The following KCNH1 variants were observed in gnomAD, a reference collection of about 807,000 sequenced individuals.
KCNH1 encodes the protein voltage-gated delayed rectifier potassium channel KCNH1.
Under a neutral mutation model 69.2 loss-of-function variants are expected in KCNH1, and 27 were observed. That is an observed-to-expected ratio of 0.39 (90% confidence interval 0.29 to 0.54). The LOEUF is 0.54. Among genes scored for constraint, KCNH1 ranks in the 20% least tolerant of loss-of-function variants. The probability of loss-of-function intolerance (pLI) is 0.68; values close to 1 mark genes in which losing one functional copy is unlikely to be tolerated. For synonymous variants in KCNH1, 456 were observed against 487.7 expected (o/e 0.93, Z 0.86); for missense variants, 798 against 1,261.6 (o/e 0.63, Z 5.57).
intron 10 of KCNH1, among the ~76,000 whole-genome samples, chr1:210,762,051 A>T (rs1440744943): frequency 6.6e-6 from 1 of 152,160 alleles, no homozygotes; most frequent in African/African-American, 2.4e-5. Flanking sequence ...TGGAATAAAA[A>T]TAGAAATCAA....
intron 6 of KCNH1, among the ~76,000 whole-genome samples, chr1:210,963,989 G>A (rs1437354348): frequency 6.6e-6 from 1 of 152,134 alleles, no homozygotes; most frequent in Non-Finnish European, 1.5e-5. Flanking sequence ...ACACATAATT[G>A]TCAGATTCAC....
rs533974005 is a variant in KCNH1, at chr1:210,843,761, T to C, written c.1463-39595A>G. On this transcript the variant is annotated intron_variant, in intron 7 of 10. Transcript: ENST00000271751. Reference sequence around the variant, plus strand: ...ACTGTTTGTTATTTGTAATAACATTTTGTTGTAGAAACACAGCTATCAGCG... The same window carrying C: ...ACTGTTTGTTATTTGTAATAACATTCTGTTGTAGAAACACAGCTATCAGCG... 2.0e-5 allele frequency among the ~76,000 whole-genome samples: 3 copies of C among 152,328 alleles called. No individual in the cohort carries two copies. The South Asian group carries it at 6.2e-4, about 32-fold the overall frequency.
rs1387980426 is a variant in KCNH1, at chr1:210,806,824, A to ATATATATATATATATATAT, written c.1463-2659_1463-2658insATATATATATATATATATA. Among the ~76,000 whole-genome samples, 80 of 44,906 alleles carry ATATATATATATATATATAT rather than the reference A, an allele frequency of 1.8e-3. 2 individuals carry two copies. Among genetic ancestry groups the ATATATATATATATATATAT allele is most frequent in the Non-Finnish European group, 2.8e-3 (57 of 20,644 alleles). The allele number at this position is 44,906 out of a possible 152,430, so 29.5% of individuals were successfully genotyped here. A position where few individuals can be genotyped will look rare whatever the true frequency, so the allele number is the denominator to read the frequency against. ...ATCTCTACCAAAAAAAAAAAAAAAA[A>ATATATATATATATATATAT]AAAAAAAAAAAAATATATATATATA... is the stretch of plus-strand genomic sequence containing the variant. On this transcript the variant is annotated intron_variant, in intron 7 of 10. Coordinates refer to ENST00000271751, the MANE Select transcript of KCNH1 (RefSeq NM_172362.3).
In KCNH1 at chr1:210,682,584, CT is replaced by C. The variant is rs1463707618; in HGVS notation, c.*696del. 6.6e-6 allele frequency: 1 copy of C among 152,536 alleles called. No individual in the cohort carries two copies. Among genetic ancestry groups the C allele is most frequent in the Non-Finnish European group, 1.5e-5 (1 of 68,342 alleles). 9.4% of individuals were successfully genotyped at this position (152,536 alleles called of 1,614,324 possible). A position where few individuals can be genotyped will look rare whatever the true frequency, so the allele number is the denominator to read the frequency against. ...GTTGCACCGCAGAGAACCCCTGGAT[CT>C]TAAGGGCCCCTCTCCAGCTCTTACC... is the stretch of plus-strand genomic sequence containing the variant. On this transcript the variant is annotated 3_prime_UTR_variant, in exon 11 of 11. Coordinates refer to ENST00000271751, the MANE Select transcript of KCNH1 (RefSeq NM_172362.3).
At position 210,715,046 on chromosome 1, in the gene KCNH1, A is replaced by T. The variant is rs551755060; in HGVS notation, c.2113-30908T>A. Among the ~76,000 whole-genome samples the T allele has an allele frequency of 6.8e-4, 103 of 152,346 alleles. 1 individual carries two copies. Among genetic ancestry groups the T allele is most frequent in the South Asian group, 1.0e-3 (5 of 4,824 alleles). The stretch of plus-strand genomic sequence containing the variant: ...GCAGAGGGCATGCAGCCAGGCCTGC[A>T]GAGAAAGCTTCAGATCAAGTCCACA... On this transcript the variant is annotated intron_variant, in intron 10 of 10. Transcript: ENST00000271751.
intron 5 of KCNH1, among the ~76,000 whole-genome samples, chr1:211,070,488 A>C (rs1690622089): frequency 6.6e-6 from 1 of 151,214 alleles, no homozygotes; most frequent in African/African-American, 2.4e-5. Context: ...TATCATATTC[A>C]AACTGCAGAA....
At chr1:210,755,103 T>A (rs1574236125) in intron 10 of KCNH1, among the ~76,000 whole-genome samples, 1 of 150,126 alleles carries the variant, frequency 6.7e-6, no homozygotes, top group East Asian at 2.0e-4. Context: ...GTGACCCCTG[T>A]GCATGCAAAG....
At chr1:211,082,188 A>G (rs1690870748) in intron 5 of KCNH1, among the ~76,000 whole-genome samples, 1 of 152,172 alleles carries the variant, frequency 6.6e-6, no homozygotes, top group Non-Finnish European at 1.5e-5. Flanking sequence ...ATTAAGATGT[A>G]AAAATGTTCA....
intron 7 of KCNH1, among the ~76,000 whole-genome samples, chr1:210,870,434 C>T (rs749504720): frequency 1.4e-4 from 21 of 152,244 alleles, no homozygotes; most frequent in Non-Finnish European, 2.6e-4. Context: ...TTGAAAAAAG[C>T]ACATGGTACT....
chr1:210,809,036 G>A (rs552015173), intron 7 of KCNH1, among the ~76,000 whole-genome samples: 1 of 152,140 alleles, frequency 6.6e-6, no homozygotes, highest in Non-Finnish European at 1.5e-5. Context: ...ATTTGGAGAA[G>A]AAGGGGTTTC....
At chr1:210,889,541 G>T (rs1037394498) in intron 7 of KCNH1, among the ~76,000 whole-genome samples, 2 of 152,210 alleles carry the variant, frequency 1.3e-5, no homozygotes, top group African/African-American at 4.8e-5. Context: ...CATAGTGTTG[G>T]AAGTTTTTGC....
At chr1:211,082,956 C>T (rs1342580391) in intron 4 of KCNH1, 58 bp from the exon 5 acceptor site, 20 of 1,371,474 alleles carry the variant, frequency 1.5e-5, no homozygotes, top group Non-Finnish European at 2.0e-5. Context: ...GGTGCACAGA[C>T]ATTCACATTA....
In KCNH1 at chr1:211,090,800, G is replaced by T. The variant is rs112147851; in HGVS notation, c.311-110C>A. The T allele has an allele frequency of 4.9e-4, 497 of 1,018,964 alleles. 2 individuals are homozygous for T. In the African/African-American group the frequency reaches 7.4e-3, roughly 15 times the overall value. The allele number at this position is 1,018,964 out of a possible 1,614,324, so 63.1% of individuals were successfully genotyped here. On this transcript the variant is annotated intron_variant, in intron 3 of 10. Transcript: ENST00000271751. ...ACAAATATTAATTCATTTTTTAAAT[G>T]GTCTTATTAATACTTCAAGTGCTGG... is the stretch of plus-strand genomic sequence containing the variant.
intron 6 of KCNH1, among the ~76,000 whole-genome samples, chr1:210,961,503 CTTA>C (rs1688292274): frequency 6.6e-6 from 1 of 152,102 alleles, no homozygotes. Flanking sequence ...CATGATTCCA[CTTA>C]TTATGCTCAG....
At position 211,134,104 on chromosome 1, in the gene KCNH1, C is replaced by G. The variant is rs1300369320; in HGVS notation, c.-159G>C. 1.3e-5 allele frequency: 7 copies of G among 549,096 alleles called. No homozygotes were observed. Among genetic ancestry groups the G allele is most frequent in the African/African-American group, 1.2e-4 (6 of 49,758 alleles). 34.0% of individuals were successfully genotyped at this position (549,096 alleles called of 1,614,324 possible). The stretch of plus-strand genomic sequence containing the variant: ...GGCGGCTCCCTCTGGCTGCTACCCT[C>G]GCGCCCTCTTCGCGCCTCCCTCCCT... On this transcript the variant is annotated 5_prime_UTR_variant, in exon 1 of 11. Coordinates refer to ENST00000271751, the MANE Select transcript of KCNH1 (RefSeq NM_172362.3). The surrounding 1 kb of genome is among the most constrained non-coding windows in gnomAD (Gnocchi z 5.7).
intron 6 of KCNH1, among the ~76,000 whole-genome samples, chr1:210,933,523 AT>A (rs1389043555): frequency 2.5e-5 from 3 of 120,018 alleles, no homozygotes; most frequent in Admixed American, 8.4e-5. Flanking sequence ...TAATAATAAA[AT>A]TTAAAAAAAA....
chr1:210,769,053 G>C (rs1683698786), intron 10 of KCNH1, among the ~76,000 whole-genome samples: 1 of 152,062 alleles, frequency 6.6e-6, no homozygotes, highest in Admixed American at 6.6e-5. Flanking sequence ...TTTTTGGCTT[G>C]ACAGACTAAT....
At chr1:211,002,800 C>T (rs1571569761) in intron 6 of KCNH1, among the ~76,000 whole-genome samples, 1 of 152,166 alleles carries the variant, frequency 6.6e-6, no homozygotes, top group East Asian at 1.9e-4. Context: ...TTAAAAAATA[C>T]AACAGACTGT....
At chr1:210,765,186 T>C (rs1303112388) in intron 10 of KCNH1, among the ~76,000 whole-genome samples, 1 of 151,184 alleles carries the variant, frequency 6.6e-6, no homozygotes, top group Non-Finnish European at 1.5e-5. Flanking sequence ...ATGGGAACAA[T>C]AAACACTTGG....
Sources: gnomAD v4.1 joint callset for allele counts (sites outside exome capture counted in the v4.1 genomes callset) on GRCh38, gnomAD v4.1.1 for gene constraint, Gnocchi (gnomAD v3.1) non-coding constraint, MANE v1.5 for transcripts, NCBI Gene and HGNC (gene_info 2026-07-23, HGNC 2026-07-21) for gene names.